The following LVRN variants were observed in gnomAD, a reference collection of about 807,000 sequenced individuals.
The protein encoded by LVRN is aminopeptidase Q.
Under a neutral mutation model 111.4 loss-of-function variants are expected in LVRN, and 99 were observed. The ratio of observed to expected loss-of-function variants is 0.89; its 90% CI spans 0.76 to 1.05. The LOEUF is 1.05. LVRN is among the 50% of genes least tolerant of loss of function. The pLI is 0.00. For synonymous variants in LVRN, 488 were observed against 449.5 expected (o/e 1.09, Z -1.08); for missense variants, 1,414 against 1,206.8 (o/e 1.17, Z -2.54).
chr5:116,015,181 A>G, intron 16 of LVRN, 71 bp from the exon 17 acceptor site: 3 of 835,648 alleles, frequency 3.6e-6, no homozygotes, highest in South Asian at 4.1e-5. Context: ...CTAGATTCAT[A>G]CTTCTAAAAT....
intron 15 of LVRN, among the ~76,000 whole-genome samples, chr5:116,012,985 A>G (rs912481906): frequency 1.3e-5 from 2 of 152,122 alleles, no homozygotes; most frequent in African/African-American, 2.4e-5. Context: ...TGAGGAGAGT[A>G]AGCATATTGT....
chr5:116,010,874 G>A lies in LVRN; in HGVS notation c.2227G>A (p.Asp743Asn). ...TCTTGTTTCTGAGGTGAACATCTAT[G>A]ATATATACTCATTATTAAAGGTAAT... The part of the protein sequence containing the change: ...RDLVSEVNIY[D>N]IYSLLKRYLL... The change falls in exon 14 of 20, where the codon GAT becomes AAT. Residue 743 changes from aspartate to asparagine, a missense_variant. Coordinates refer to ENST00000357872, the MANE Select transcript of LVRN (RefSeq NM_173800.5). 6.3e-7 allele frequency: 1 copy of A among 1,594,412 alleles called. No homozygotes were observed. The highest frequency in any genetic ancestry group is 1.4e-5 in the African/African-American group (1 of 73,890).
intron 10 of LVRN, among the ~76,000 whole-genome samples, chr5:116,002,343 C>T (rs75043318): frequency 1.2e-3 from 177 of 152,324 alleles, no homozygotes; most frequent in African/African-American, 4.0e-3. Flanking sequence ...GGGAAGAATG[C>T]AGACATTGAA....
chr5:116,003,146 T>C (rs1246365017), intron 11 of LVRN, 95 bp from the exon 12 acceptor site: 9 of 1,201,822 alleles, frequency 7.5e-6, no homozygotes. Flanking sequence ...TTTTGTTTTG[T>C]TGGTTTATTG....
chr5:115,981,411 A>G (rs2112568823), intron 1 of LVRN, among the ~76,000 whole-genome samples: 1 of 152,270 alleles, frequency 6.6e-6, no homozygotes, highest in East Asian at 1.9e-4. Flanking sequence ...ATCTGTGGTC[A>G]GCTGTAGCCC....
At position 116,026,671 on chromosome 5, in the gene LVRN, A is replaced by G. The variant is rs1748873864; in HGVS notation, c.*553A>G. ...AAGAGGAGACAATTTAACGAGCCCT[A>G]AAGGCAAGAAGTGTGTCTTCTCCTG... On this transcript the variant is annotated 3_prime_UTR_variant, in exon 20 of 20. Coordinates refer to ENST00000357872, the MANE Select transcript of LVRN (RefSeq NM_173800.5). The G allele has an allele frequency of 6.2e-6, 1 of 161,684 alleles. No individual in the cohort carries two copies. Among genetic ancestry groups the G allele is most frequent in the Non-Finnish European group, 1.3e-5 (1 of 75,038 alleles). 10.0% of individuals were successfully genotyped at this position (161,684 alleles called of 1,614,324 possible).
At chr5:115,963,485 T>G (rs1753136911) in intron 1 of LVRN, among the ~76,000 whole-genome samples, 173 bp downstream of exon 1, 1 of 152,208 alleles carries the variant, frequency 6.6e-6, no homozygotes. Flanking sequence ...TACTTTAAGT[T>G]CTAGGGTACA....
intron 1 of LVRN, among the ~76,000 whole-genome samples, chr5:115,982,322 A>C: frequency 6.6e-6 from 1 of 152,066 alleles, no homozygotes; most frequent in Non-Finnish European, 1.5e-5. Context: ...GATGGCATAT[A>C]CTCTTGAGAT....
chr5:115,979,458 G>C (rs1753517153), intron 1 of LVRN, among the ~76,000 whole-genome samples: 1 of 152,040 alleles, frequency 6.6e-6, no homozygotes, highest in South Asian at 2.1e-4. Context: ...CCTCCATCAA[G>C]AGATAGCTTC....
At chr5:115,993,994 G>T in intron 6 of LVRN, 140 bp downstream of exon 6, 3 of 490,386 alleles carry the variant, frequency 6.1e-6, no homozygotes, top group Non-Finnish European at 1.0e-5. Flanking sequence ...ATTTGTGTTA[G>T]CTTTTTGATA....
Position 115,962,906 on chromosome 5 carries a change from C to G in LVRN, c.289C>G (p.Arg97Gly), listed in dbSNP as rs745368023. 3 of 1,612,946 alleles carry G rather than the reference C, an allele frequency of 1.9e-6. No individual in the cohort carries two copies. The highest frequency in any genetic ancestry group is 2.7e-5 in the African/African-American group (2 of 74,910). ...ACCCCCGGGGCCCTGGGACCAGCTA[C>G]GCCTGCCGCCCTGGCTCGTGCCGCT... ...WRPPGPWDQL[R>G]LPPWLVPLHY... Residue 97 changes from arginine (R) to glycine (G), a missense_variant, in exon 1 of 20, where the codon CGC becomes GGC. Arg to Gly is a moderately radical substitution (Grantham distance 125, BLOSUM62 -2). Transcript: ENST00000357872.
At chr5:115,980,612 A>G (rs1472829173) in intron 1 of LVRN, among the ~76,000 whole-genome samples, 2 of 151,948 alleles carry the variant, frequency 1.3e-5, no homozygotes, top group African/African-American at 2.4e-5. Context: ...CCACTTCCTT[A>G]AGGAGTATAA....
chr5:115,984,901 T>C (rs112265137), intron 3 of LVRN, among the ~76,000 whole-genome samples, 192 bp downstream of exon 3: 14 of 152,284 alleles, frequency 9.2e-5, no homozygotes, highest in African/African-American at 3.1e-4. Context: ...ATTCTTTGGA[T>C]AGGTTTTCAC....
rs564621239 is a variant in LVRN, at chr5:115,962,485, G to C, written c.-133G>C. The C allele has an allele frequency of 4.3e-5, 35 of 816,042 alleles. 1 individual carries two copies. In the South Asian group the frequency reaches 5.6e-4, roughly 13 times the overall value. 50.6% of individuals were successfully genotyped at this position (816,042 alleles called of 1,614,324 possible). A position where few individuals can be genotyped will look rare whatever the true frequency, so the allele number is the denominator to read the frequency against. On this transcript the variant is annotated 5_prime_UTR_variant, in exon 1 of 20. Coordinates refer to ENST00000357872, the MANE Select transcript of LVRN (RefSeq NM_173800.5). ...TGTCTGCTGAGCTCCAGTCCGTCCA[G>C]GCTCTTCCAGGAGGAAGAGGCACGA...
chr5:115,985,793 G>T (rs934258384), intron 3 of LVRN, among the ~76,000 whole-genome samples: 2 of 152,164 alleles, frequency 1.3e-5, no homozygotes, highest in Non-Finnish European at 2.9e-5. Flanking sequence ...GGTCGTGCTG[G>T]CAGTGCTTTA....
At position 116,015,721 on chromosome 5, in the gene LVRN, C is replaced by T. The variant is rs143698388; in HGVS notation, c.2712C>T (p.Val904=). The T allele has an allele frequency of 3.2e-5, 52 of 1,613,244 alleles. No individual in the cohort carries two copies. Among genetic ancestry groups the T allele is most frequent in the African/African-American group, 2.5e-4 (19 of 74,972 alleles). The change falls in exon 18 of 20, where the codon GTC becomes GTT. Residue 904 remains valine, a synonymous_variant. Coordinates refer to ENST00000357872, the MANE Select transcript of LVRN (RefSeq NM_173800.5). ...VVASSEVGRY[V]AKDFLVNNWQ... is the part of the protein sequence containing the mutation. ...CTTCATCTGAAGTTGGCCGGTATGTCGCAAAAGACTTCTTAGTCAACAACT... is the reference window on the plus strand; with the variant it reads ...CTTCATCTGAAGTTGGCCGGTATGTTGCAAAAGACTTCTTAGTCAACAACT...
intron 1 of LVRN, among the ~76,000 whole-genome samples, chr5:115,981,343 A>T (rs1017551549): frequency 2.2e-4 from 34 of 152,208 alleles, no homozygotes; most frequent in African/African-American, 7.7e-4. Flanking sequence ...AAAGATACAT[A>T]ACCTCTCATT....
intron 1 of LVRN, 51 bp downstream of exon 1, chr5:115,963,363 G>A (rs1278579847): frequency 2.7e-6 from 4 of 1,457,630 alleles, no homozygotes; most frequent in East Asian, 4.7e-5. Flanking sequence ...CCTGCGTCCC[G>A]GTGCAGGCTG....
chr5:116,021,696 T>G (rs1294084627), intron 18 of LVRN: 1 of 451,320 alleles, frequency 2.2e-6, no homozygotes, highest in African/African-American at 2.0e-5. Flanking sequence ...TTCTTTCCTT[T>G]TTAATGCACC....
Sources: allele counts gnomAD v4.1 joint callset (sites outside exome capture counted in the v4.1 genomes callset), GRCh38; gene constraint gnomAD v4.1.1; transcripts MANE v1.5; gene names NCBI Gene and HGNC (gene_info 2026-07-23, HGNC 2026-07-21).